The following BABAM2 variants were observed in gnomAD, a reference collection of about 807,000 sequenced individuals.
BABAM2 encodes BRISC and BRCA1-A complex member 2.
In BABAM2, 31 loss-of-function variants were observed where a neutral mutation model predicts 54.7. The observed-to-expected ratio is 0.57, with a 90% CI of 0.43 to 0.77. The LOEUF is 0.77. Ranked by LOEUF, BABAM2 falls within the 30% of genes least tolerant of loss-of-function variation. BABAM2 has a pLI of 0.00. For synonymous variants in BABAM2, 167 were observed against 162.9 expected, an observed-to-expected ratio of 1.03 and a Z score of -0.19; for missense variants, 364 against 455.8, an observed-to-expected ratio of 0.80 and a Z score of 1.83.
chr2:28,161,254 T>A (rs1673064212), intron 7 of BABAM2, among the ~76,000 whole-genome samples: 1 of 152,054 alleles, frequency 6.6e-6, no homozygotes, highest in African/African-American at 2.4e-5. Flanking sequence ...CACATTCTTG[T>A]TTTGAGTTGC....
intron 3 of BABAM2, among the ~76,000 whole-genome samples, chr2:27,967,177 G>A (rs1670895096): frequency 1.3e-5 from 2 of 152,192 alleles, no homozygotes; most frequent in South Asian, 2.1e-4. Flanking sequence ...AGATGATACG[G>A]TTTGGCTGTG....
intron 4 of BABAM2, among the ~76,000 whole-genome samples, chr2:28,001,265 G>A (rs1216140511): frequency 2.6e-5 from 4 of 152,320 alleles, no homozygotes; most frequent in Middle Eastern, 3.4e-3. Flanking sequence ...ATTTGTGTAT[G>A]TACTGACGTC....
At chr2:28,020,544 G>A (rs1675168537) in intron 4 of BABAM2, among the ~76,000 whole-genome samples, 1 of 152,086 alleles carries the variant, frequency 6.6e-6, no homozygotes, top group Non-Finnish European at 1.5e-5. Context: ...TGCTGTGGAA[G>A]GTTGGGAGGG....
At chr2:27,902,324 T>A (rs1665848679) in intron 2 of BABAM2, among the ~76,000 whole-genome samples, 1 of 152,224 alleles carries the variant, frequency 6.6e-6, no homozygotes, top group Admixed American at 6.5e-5. Flanking sequence ...TTTTGTGAAT[T>A]TTCATTTCGG....
At chr2:28,298,632 C>A in intron 11 of BABAM2, 141 bp downstream of exon 11, 1 of 1,035,202 alleles carries the variant, frequency 9.7e-7, no homozygotes, top group Non-Finnish European at 1.4e-6. Flanking sequence ...ACAGCAACAC[C>A]CATTTCTTTA....
chr2:28,110,619 A>G (rs1488682578), intron 6 of BABAM2, among the ~76,000 whole-genome samples: 1 of 151,916 alleles, frequency 6.6e-6, no homozygotes, highest in Non-Finnish European at 1.5e-5. Flanking sequence ...GCGAGACTCC[A>G]TCTCAAAAAA....
At chr2:28,182,992 C>G (rs964759276) in intron 7 of BABAM2, among the ~76,000 whole-genome samples, 6 of 152,184 alleles carry the variant, frequency 3.9e-5, no homozygotes, top group African/African-American at 1.4e-4. Flanking sequence ...TGAGGGTTCC[C>G]TTTACTGCCT....
intron 4 of BABAM2, among the ~76,000 whole-genome samples, chr2:27,996,878 T>G (rs1673186765): frequency 6.6e-6 from 1 of 152,198 alleles, no homozygotes. Context: ...TCAAATAGAT[T>G]TCTATATTTT....
At chr2:28,323,665 C>T (rs866140558) in intron 11 of BABAM2, among the ~76,000 whole-genome samples, 56 of 152,098 alleles carry the variant, frequency 3.7e-4, no homozygotes, top group African/African-American at 1.1e-3. Flanking sequence ...TTTGACTATG[C>T]GGGATGATGT....
At chr2:28,295,967 A>G (rs1244080994) in intron 10 of BABAM2, among the ~76,000 whole-genome samples, 2 of 152,132 alleles carry the variant, frequency 1.3e-5, no homozygotes, top group Non-Finnish European at 2.9e-5. Context: ...AAATTAGCCG[A>G]ACGTGGTGGC....
intron 6 of BABAM2, among the ~76,000 whole-genome samples, chr2:28,128,293 A>T (rs1052835718): frequency 1.3e-5 from 2 of 152,212 alleles, no homozygotes; most frequent in African/African-American, 4.8e-5. Context: ...AGTGTTTAAA[A>T]TTTTTATATT....
chr2:28,154,385 C>A (rs1462196371), intron 7 of BABAM2, among the ~76,000 whole-genome samples: 1 of 152,082 alleles, frequency 6.6e-6, no homozygotes, highest in Non-Finnish European at 1.5e-5. Flanking sequence ...TGGAGAAACA[C>A]GAATATTTCA....
At chr2:27,964,839 T>C (rs1417317993) in intron 3 of BABAM2, among the ~76,000 whole-genome samples, 1 of 152,340 alleles carries the variant, frequency 6.6e-6, no homozygotes, top group South Asian at 2.1e-4. Context: ...CACATTCTGT[T>C]CTTCTAGAAA....
In BABAM2 at chr2:27,978,348, C is replaced by T. The variant is rs1385933882; in HGVS notation, c.206-9645C>T. ...CTTTGCCAGAAGCAGATGCTGGCAC[C>T]ATGCTTCCTGTACAGCCTGCAGAAC... is the stretch of plus-strand genomic sequence containing the variant. On this transcript the variant is annotated intron_variant, in intron 3 of 11. Coordinates refer to ENST00000379624, the MANE Select transcript of BABAM2 (RefSeq NM_199191.3). 6.6e-5 allele frequency among the ~76,000 whole-genome samples: 10 copies of T among 152,158 alleles called. No homozygotes were observed. In the East Asian group the frequency reaches 1.5e-3, roughly 23 times the overall value.
intron 4 of BABAM2, among the ~76,000 whole-genome samples, chr2:28,016,983 GGAA>G (rs1255714916): frequency 6.6e-6 from 1 of 152,164 alleles, no homozygotes; most frequent in Non-Finnish European, 1.5e-5. Flanking sequence ...GTATTTACAT[GGAA>G]GAAGGAGTAG....
intron 7 of BABAM2, chr2:28,233,012 T>G: frequency 3.2e-6 from 1 of 313,784 alleles, no homozygotes. Flanking sequence ...GCCTCATCCT[T>G]CTAATTTATA....
chr2:27,999,738 G>A (rs1008803724), intron 4 of BABAM2, among the ~76,000 whole-genome samples: 8 of 152,280 alleles, frequency 5.3e-5, no homozygotes, highest in East Asian at 1.9e-4. Flanking sequence ...TGTTAAGCAC[G>A]CTTCCTGAAA....
chr2:27,916,538 G>C (rs985642909), intron 2 of BABAM2, among the ~76,000 whole-genome samples: 3 of 152,208 alleles, frequency 2.0e-5, no homozygotes, highest in Non-Finnish European at 4.4e-5. Flanking sequence ...CTCACTTGCA[G>C]TATTTATGAA....
At chr2:28,097,314 C>T (rs7558946) in intron 6 of BABAM2, among the ~76,000 whole-genome samples, 70,107 of 151,970 alleles carry the variant, frequency 0.46, 17,128 homozygotes, top group African/African-American at 0.61. Context: ...AATCTAGGAC[C>T]AGCTGGAAGG....
Sources: allele counts gnomAD v4.1 joint callset (sites outside exome capture counted in the v4.1 genomes callset), GRCh38; gene constraint gnomAD v4.1.1; transcripts MANE v1.5; gene names NCBI Gene and HGNC (gene_info 2026-07-23, HGNC 2026-07-21).